GPATCH1: variants seen among roughly 807,000 people sequenced by gnomAD.
GPATCH1 encodes G-patch domain containing 1, also known as G patch domain-containing protein 1.
Under a neutral mutation model 114.9 loss-of-function variants are expected in GPATCH1, and 73 were observed. The ratio of observed to expected loss-of-function variants is 0.64; its 90% CI spans 0.53 to 0.77. The LOEUF (loss-of-function observed/expected upper bound fraction) is 0.77. Among genes scored for constraint, GPATCH1 ranks in the 30% least tolerant of loss-of-function variants. The pLI is 0.00. For missense variants in GPATCH1, 1,058 were observed against 1,144.3 expected (o/e 0.92, Z 1.09); for synonymous variants, 391 against 428.4 (o/e 0.91, Z 1.08).
chr19:33,113,930 G>C (rs766198309), intron 14 of GPATCH1, 27 bp downstream of exon 14: 2 of 1,609,150 alleles, frequency 1.2e-6, no homozygotes, highest in Non-Finnish European at 1.7e-6. Context: ...CGGGGTCTCT[G>C]ATTGACCAGG....
At position 33,097,846 on chromosome 19, in the gene GPATCH1, A is replaced by T; in HGVS notation, c.944A>T (p.Glu315Val). 6.2e-7 allele frequency: 1 copy of T among 1,614,038 alleles called. No individual in the cohort carries two copies. The highest frequency in any genetic ancestry group is 8.5e-7 in the Non-Finnish European group (1 of 1,179,934). ...SKYDTVLKDE[E>V]PGDGLYGWTA... ...TATGACACTGTTCTGAAGGACGAGG[A>T]GCCTGGAGACGGACTCTATGGCTGG... Residue 315 changes from glutamate to valine, a missense_variant, in exon 8 of 20, where the codon GAG (glutamate) becomes GTG (valine). Coordinates refer to ENST00000170564, the MANE Select transcript of GPATCH1 (RefSeq NM_018025.3).
At chr19:33,104,828 G>C (rs2044999472) in intron 9 of GPATCH1, among the ~76,000 whole-genome samples, 1 of 151,964 alleles carries the variant, frequency 6.6e-6, no homozygotes, top group Admixed American at 6.6e-5. Context: ...GTGAATTTGG[G>C]GGAAAAAAAT....
At chr19:33,113,625 C>T (rs8103733) in intron 13 of GPATCH1, 142 bp from the exon 14 acceptor site, 89,931 of 616,270 alleles carry the variant, frequency 0.15, 8,780 homozygotes, top group South Asian at 0.35. Flanking sequence ...CCCAGATTCT[C>T]GAACTGCTTT....
chr19:33,129,996 T>C (rs1224009243), intron 19 of GPATCH1, 134 bp from the exon 20 acceptor site: 2 of 658,878 alleles, frequency 3.0e-6, no homozygotes, highest in African/African-American at 1.8e-5. Flanking sequence ...TTGTGGGTTA[T>C]TGTGAGTGCA....
Position 33,096,301 on chromosome 19 carries a change from T to C in GPATCH1, c.707T>C (p.Leu236Pro), listed in dbSNP as rs776006597. ...ACACCTAAAGATAATGTGCATGGTC[T>C]AGCTTACAAGGGCCTGGATCCCCAC... is the stretch of plus-strand genomic sequence containing the variant. ...DFTPKDNVHG[L>P]AYKGLDPHQA... Residue 236 changes from leucine to proline, a missense_variant, in exon 7 of 20, where the codon CTA (leucine) becomes CCA (proline). Leu to Pro is a moderately conservative substitution (Grantham distance 98). This residue lies in a region of GPATCH1 where 893 missense variants were observed against 977.4 expected (regional missense o/e 0.91). Transcript: ENST00000170564. 27 of 1,614,040 alleles carry C rather than the reference T, an allele frequency of 1.7e-5. No individual in the cohort carries two copies. The highest frequency in any genetic ancestry group is 2.2e-5 in the Non-Finnish European group (26 of 1,180,004).
Position 33,093,376 on chromosome 19 carries a change from G to C in GPATCH1, c.312G>C (p.Gly104=). ...FMDEEDLSEF[G]IAPKAIVTTD... is the part of the protein sequence containing the mutation. ...TTTTGAAGGATCTTAGTGAATTTGGGATAGCACCTAAAGCGATTGTCACCA... is the reference window on the plus strand; with the variant it reads ...TTTTGAAGGATCTTAGTGAATTTGGCATAGCACCTAAAGCGATTGTCACCA... The change falls in exon 4 of 20, where the codon GGG becomes GGC. Residue 104 remains glycine, a synonymous_variant. Transcript: ENST00000170564. 6.2e-7 allele frequency: 1 copy of C among 1,612,066 alleles called. No individual in the cohort carries two copies. Among genetic ancestry groups the C allele is most frequent in the South Asian group, 1.1e-5 (1 of 90,898 alleles).
Position 33,106,781 on chromosome 19 carries a change from C to G in GPATCH1, c.1167C>G (p.His389Gln). Residue 389 changes from histidine to glutamine, a missense_variant, in exon 10 of 20, where the codon CAC (histidine) becomes CAG (glutamine). By Grantham distance (24) the His-to-Gln change is conservative (BLOSUM62 0). Transcript: ENST00000170564. ...PMVAATSENS[H>Q]LLQVLSESAG... ...TGGCCGCCACCTCCGAGAACTCACA[C>G]TTACTGCAGGTATTATCAGAGTCAG... The G allele has an allele frequency of 6.2e-7, 1 of 1,613,946 alleles. No homozygotes were observed. Among genetic ancestry groups the G allele is most frequent in the Non-Finnish European group, 8.5e-7 (1 of 1,179,892 alleles).
chr19:33,101,565 T>G lies in GPATCH1; in HGVS notation c.1071T>G (p.Ser357=). 2 of 1,571,698 alleles carry G rather than the reference T, an allele frequency of 1.3e-6. No individual in the cohort carries two copies. Among genetic ancestry groups the G allele is most frequent in the Non-Finnish European group, 8.7e-7 (1 of 1,144,810 alleles). The change falls in exon 9 of 20, where the codon TCT becomes TCG. Residue 357 remains serine, a synonymous_variant. Coordinates refer to ENST00000170564, the MANE Select transcript of GPATCH1 (RefSeq NM_018025.3). ...TTTCCTTGGCTTCTAAACCTTTATC[T>G]TCTAAGAAAGTAAGAAAAACTTTTT... The part of the protein sequence containing the change: ...DGFSLASKPL[S]SKKIYPPPEL...
chr19:33,117,948 G>C lies in GPATCH1; in HGVS notation c.2320G>C (p.Gly774Arg), dbSNP rs1216498860. 2 of 1,613,836 alleles carry C rather than the reference G, an allele frequency of 1.2e-6. No homozygotes were observed. The highest frequency in any genetic ancestry group is 4.5e-5 in the East Asian group (2 of 44,828). Residue 774 changes from glycine to arginine, a missense_variant, in exon 16 of 20, where the codon GGT (glycine) becomes CGT (arginine). Transcript: ENST00000170564. ...EKSSSSEDEQ[G>R]DSEDDQAGSG... ...GTCCTCATCCTCCGAGGATGAGCAAGGTGACAGTGAAGATGATCAGGCAGG... is the reference window on the plus strand; with the variant it reads ...GTCCTCATCCTCCGAGGATGAGCAACGTGACAGTGAAGATGATCAGGCAGG...
At chr19:33,114,484 C>T (rs1972895126) in intron 15 of GPATCH1, 65 bp downstream of exon 15, 5 of 1,281,378 alleles carry the variant, frequency 3.9e-6, no homozygotes, top group East Asian at 2.4e-5. Flanking sequence ...TCTTTGGTGA[C>T]ACTTTCTCCT....
chr19:33,117,660 G>A (rs2287680), intron 15 of GPATCH1, among the ~76,000 whole-genome samples, 165 bp from the exon 16 acceptor site: 59,965 of 152,078 alleles, frequency 0.39, 14,388 homozygotes, highest in African/African-American at 0.66. Context: ...CACAAAAATA[G>A]AAGCTATGTG....
At chr19:33,107,025 C>A in intron 10 of GPATCH1, 126 bp downstream of exon 10, 1 of 668,056 alleles carries the variant, frequency 1.5e-6, no homozygotes. Context: ...GTGGAAATAC[C>A]ACTATTTATT....
chr19:33,083,230 C>A (rs1329462666), intron 1 of GPATCH1, among the ~76,000 whole-genome samples: 1 of 111,582 alleles, frequency 9.0e-6, no homozygotes, highest in Non-Finnish European at 1.7e-5. Flanking sequence ...GGCGACAGAG[C>A]GAGACTCTGT....
chr19:33,097,982 A>G, intron 8 of GPATCH1, 80 bp downstream of exon 8: 1 of 1,268,854 alleles, frequency 7.9e-7, no homozygotes, highest in South Asian at 1.3e-5. Context: ...GCGATACAGG[A>G]GCACCAGCCT....
chr19:33,124,668 T>C (rs1973020173), intron 17 of GPATCH1, among the ~76,000 whole-genome samples: 1 of 152,200 alleles, frequency 6.6e-6, no homozygotes, highest in African/African-American at 2.4e-5. Flanking sequence ...ATTCTTATTG[T>C]CCCCATTTTA....
At chr19:33,130,063 C>T (rs2145346835) in intron 19 of GPATCH1, 67 bp from the exon 20 acceptor site, 5 of 1,208,576 alleles carry the variant, frequency 4.1e-6, no homozygotes, top group Non-Finnish European at 6.1e-6. Flanking sequence ...TCTCAGCCTC[C>T]ACGGAGCTGT....
intron 13 of GPATCH1, 75 bp downstream of exon 13, chr19:33,112,688 A>G (rs903037927): frequency 1.7e-6 from 2 of 1,156,214 alleles, no homozygotes; most frequent in East Asian, 2.5e-5. Context: ...TTACATACTC[A>G]TATAAATTCT....
chr19:33,083,438 A>G (rs1599847349), intron 1 of GPATCH1, among the ~76,000 whole-genome samples: 1 of 143,624 alleles, frequency 7.0e-6, no homozygotes, highest in Non-Finnish European at 1.5e-5. Flanking sequence ...TCTGTTGTCC[A>G]GGCTGGAGTG....
intron 5 of GPATCH1, among the ~76,000 whole-genome samples, chr19:33,095,492 G>A (rs1427084712): frequency 2.0e-5 from 3 of 151,710 alleles, no homozygotes; most frequent in African/African-American, 4.8e-5. Context: ...TCCAACTCCC[G>A]ACCTTGTGAT....
Sources: allele counts gnomAD v4.1 joint callset (sites outside exome capture counted in the v4.1 genomes callset), GRCh38; gene constraint gnomAD v4.1.1; regional missense constraint gnomAD v4.1.1; transcripts MANE v1.5; gene names NCBI Gene and HGNC (gene_info 2026-07-23, HGNC 2026-07-21).